GPRC6A: variants seen among roughly 807,000 people sequenced by gnomAD.
GPRC6A encodes G protein-coupled receptor family C group 6 member A.
A neutral mutation model predicts 47.0 loss-of-function variants in GPRC6A; 54 were observed. The observed-to-expected ratio is 1.15, with a 90% CI of 0.92 to 1.44. The LOEUF is 1.44. Among genes scored for constraint, GPRC6A ranks in the 40% most tolerant of loss-of-function variants. The pLI is 0.00. For missense variants in GPRC6A, 1,112 were observed against 1,105.5 expected (o/e 1.01, Z -0.08); for synonymous variants, 347 against 377.1 (o/e 0.92, Z 0.93).
intron 5 of GPRC6A, among the ~76,000 whole-genome samples, chr6:116,793,794 A>G (rs2114575631): frequency 6.6e-6 from 1 of 152,276 alleles, no homozygotes; most frequent in Admixed American, 6.5e-5. Flanking sequence ...CACATAGTAG[A>G]CCCTCAATGT....
At chr6:116,818,604 A>G (rs76535782) in intron 1 of GPRC6A, among the ~76,000 whole-genome samples, 1 of 148,586 alleles carries the variant, frequency 6.7e-6, no homozygotes, top group Non-Finnish European at 1.5e-5. Context: ...ATCCAGCCAA[A>G]CTAAGCTTCA....
At position 116,809,404 on chromosome 6, in the gene GPRC6A, G is replaced by A. The variant is rs1385361491; in HGVS notation, c.408C>T (p.Tyr136=). 1 of 1,613,476 alleles carries A rather than the reference G, an allele frequency of 6.2e-7. No homozygotes were observed. The highest frequency in any genetic ancestry group is 2.2e-5 in the East Asian group (1 of 44,862). The change falls in exon 2 of 6, where the codon TAC becomes TAT. Residue 136 remains tyrosine, a synonymous_variant. Transcript: ENST00000310357. Reference sequence around the variant, plus strand: ...CTATGACAGCCTTAACTCTTGGCATGTAGCTGGAATAGTCACACTTAAACT... The same window carrying A: ...CTATGACAGCCTTAACTCTTGGCATATAGCTGGAATAGTCACACTTAAACT... ...TVEFKCDYSS[Y]MPRVKAVIGS...
intron 1 of GPRC6A, 100 bp from the exon 2 acceptor site, chr6:116,809,717 G>T: frequency 1.4e-6 from 1 of 722,136 alleles, no homozygotes. Context: ...ATTTCTGGAT[G>T]AGTGAAGCTT....
chr6:116,797,631 A>C (rs1275636141), intron 4 of GPRC6A, among the ~76,000 whole-genome samples: 1 of 152,204 alleles, frequency 6.6e-6, no homozygotes, highest in East Asian at 1.9e-4. Flanking sequence ...TCACATAATT[A>C]CCTGTCATTC....
chr6:116,805,736 C>G (rs1772814339), intron 3 of GPRC6A, among the ~76,000 whole-genome samples: 1 of 152,030 alleles, frequency 6.6e-6, no homozygotes. Context: ...TTTCTTTAAA[C>G]CTGGAATATC....
chr6:116,796,942 T>C (rs996062630), intron 4 of GPRC6A, among the ~76,000 whole-genome samples: 8 of 152,202 alleles, frequency 5.3e-5, no homozygotes, highest in African/African-American at 1.9e-4. Context: ...TGCAGGTTAG[T>C]TACATATGTA....
intron 5 of GPRC6A, among the ~76,000 whole-genome samples, chr6:116,795,418 A>T (rs1373569158): frequency 6.6e-6 from 1 of 152,184 alleles, no homozygotes; most frequent in Non-Finnish European, 1.5e-5. Flanking sequence ...AAATTGACAG[A>T]GAACTTGCAT....
At position 116,818,403 on chromosome 6, in the gene GPRC6A, G is replaced by A. The variant is rs1398539402; in HGVS notation, c.195-8786C>T. Among the ~76,000 whole-genome samples the A allele has an allele frequency of 6.2e-5, 9 of 145,842 alleles. No homozygotes were observed. The South Asian group carries it at 6.8e-4, about 11-fold the overall frequency. On this transcript the variant is annotated intron_variant, in intron 1 of 5. Coordinates refer to ENST00000310357, the MANE Select transcript of GPRC6A (RefSeq NM_148963.4). ...CAAAAAATTAGCCGGGCGTAGTGGC[G>A]GGCGCCTGTAGTCCCAGCTACTTGG...
intron 1 of GPRC6A, among the ~76,000 whole-genome samples, chr6:116,818,351 G>A (rs1336723270): frequency 2.7e-5 from 4 of 149,558 alleles, no homozygotes; most frequent in South Asian, 4.3e-4. Context: ...CGGCTAACAC[G>A]GTGAAACCCT....
intron 4 of GPRC6A, among the ~76,000 whole-genome samples, chr6:116,797,652 T>A (rs1233679142): frequency 6.6e-6 from 1 of 152,228 alleles, no homozygotes; most frequent in Non-Finnish European, 1.5e-5. Flanking sequence ...TGTCACCTTC[T>A]CTTCATTAAG....
At chr6:116,823,115 G>GT (rs1346459438) in intron 1 of GPRC6A, among the ~76,000 whole-genome samples, 2 of 151,736 alleles carry the variant, frequency 1.3e-5, no homozygotes, top group African/African-American at 2.4e-5. Context: ...TTTTTGTTTT[G>GT]TTTTTTCTAA....
intron 5 of GPRC6A, among the ~76,000 whole-genome samples, chr6:116,795,011 A>C (rs759776473): frequency 6.6e-6 from 1 of 152,178 alleles, no homozygotes; most frequent in Non-Finnish European, 1.5e-5. Flanking sequence ...TGCTCTAATA[A>C]ACAACAACAT....
chr6:116,815,434 G>C (rs1027301627), intron 1 of GPRC6A, among the ~76,000 whole-genome samples: 2 of 152,320 alleles, frequency 1.3e-5, no homozygotes, highest in East Asian at 3.9e-4. Flanking sequence ...AGTGAGCCAA[G>C]ATTGCACCAC....
rs1405167093 is a variant in GPRC6A at position 116,800,673 on chromosome 6, T to C, written c.1459A>G (p.Thr487Ala). Reference sequence around the variant, plus strand: ...TCATATTCTGCCATCTTAGTGACAGTCATGTGTCCATTGATCTCCTTCCAG... The same window carrying C: ...TCATATTCTGCCATCTTAGTGACAGCCATGTGTCCATTGATCTCCTTCCAG... The part of the protein sequence containing the change: ...VLWKEINGHM[T>A]VTKMAEYDLQ... Residue 487 changes from threonine to alanine, a missense_variant, in exon 4 of 6, where the codon ACT (threonine) becomes GCT (alanine). Thr to Ala is a moderately conservative substitution (Grantham distance 58). Coordinates refer to ENST00000310357, the MANE Select transcript of GPRC6A (RefSeq NM_148963.4). The C allele has an allele frequency of 2.5e-6, 4 of 1,612,370 alleles. No homozygotes were observed. The African/African-American group carries it at 4.0e-5, about 16-fold the overall frequency.
At chr6:116,800,275 T>TCCCC (rs1562479662) in intron 4 of GPRC6A, among the ~76,000 whole-genome samples, 4 of 100,480 alleles carry the variant, frequency 4.0e-5, no homozygotes, top group Non-Finnish European at 6.0e-5. Context: ...CCTCCCTCCC[T>TCCCC]CCCTCCCTTC....
intron 1 of GPRC6A, among the ~76,000 whole-genome samples, chr6:116,824,821 A>G (rs2114626690): frequency 6.6e-6 from 1 of 152,190 alleles, no homozygotes; most frequent in African/African-American, 2.4e-5. Flanking sequence ...ATCTCTGATG[A>G]ACATACATGC....
chr6:116,792,653 C>A lies in GPRC6A; in HGVS notation c.2270G>T (p.Gly757Val). The A allele has an allele frequency of 6.2e-7, 1 of 1,613,478 alleles. No homozygotes were observed. The highest frequency in any genetic ancestry group is 8.5e-7 in the Non-Finnish European group (1 of 1,179,672). ...GSILAFGTML[G>V]YIAILAFICF... ...AATGAAGGCCAGGATGGCAATGTAG[C>A]CCAGCATGGTGCCAAATGCAAGTAT... The change falls in exon 6 of 6, where the codon GGC becomes GTC. Residue 757 changes from glycine (G) to valine (V), a missense_variant. By Grantham distance (109) the Gly-to-Val change is moderately radical (BLOSUM62 -3). Coordinates refer to ENST00000310357, the MANE Select transcript of GPRC6A (RefSeq NM_148963.4).
chr6:116,805,453 C>T (rs1009015354), intron 3 of GPRC6A, among the ~76,000 whole-genome samples: 82 of 151,896 alleles, frequency 5.4e-4, no homozygotes, highest in African/African-American at 1.9e-3. Flanking sequence ...ACCTTCTTTT[C>T]TCTTACAAAT....
chr6:116,800,380 C>T (rs1016460912), intron 4 of GPRC6A, among the ~76,000 whole-genome samples: 2 of 145,760 alleles, frequency 1.4e-5, no homozygotes, highest in African/African-American at 2.5e-5. Flanking sequence ...TCCCTCCCTC[C>T]CTCTCTCTCT....
Sources: gnomAD v4.1 joint callset for allele counts (sites outside exome capture counted in the v4.1 genomes callset) on GRCh38, gnomAD v4.1.1 for gene constraint, MANE v1.5 for transcripts, NCBI Gene and HGNC (gene_info 2026-07-23, HGNC 2026-07-21) for gene names.